Variants in RPS6KL1 observed in about 807,000 individuals in gnomAD.
The protein encoded by RPS6KL1 is ribosomal protein S6 kinase-like 1.
Under a neutral mutation model 57.0 loss-of-function variants are expected in RPS6KL1, and 41 were observed. The ratio of observed to expected loss-of-function variants is 0.72; its 90% CI spans 0.56 to 0.93. The LOEUF (loss-of-function observed/expected upper bound fraction) is 0.93, where lower values mean the gene tolerates loss of function less well. Among genes scored for constraint, RPS6KL1 ranks in the 40% least tolerant of loss-of-function variants. The probability of loss-of-function intolerance (pLI) is 0.00; values close to 1 mark genes in which losing one functional copy is unlikely to be tolerated. For synonymous variants in RPS6KL1, 287 were observed against 309.7 expected (o/e 0.93, Z 0.77); for missense variants, 697 against 727.7 (o/e 0.96, Z 0.49).
chr14:74,911,051 T>C (rs1885865512), intron 7 of RPS6KL1, 197 bp downstream of exon 7: 2 of 508,924 alleles, frequency 3.9e-6, no homozygotes, highest in South Asian at 2.0e-5. Context: ...TTTGTATTTT[T>C]AGTAGAGACA....
chr14:74,910,168 C>A lies in RPS6KL1; in HGVS notation c.665-20G>T, dbSNP rs146765702. ...TGCCTCCTGGGCCATGCAGAGGGAGCGGTGAGCGTGGGGACAGGGAGAAAA... is the reference window on the plus strand; with the variant it reads ...TGCCTCCTGGGCCATGCAGAGGGAGAGGTGAGCGTGGGGACAGGGAGAAAA... On this transcript the variant is annotated intron_variant, in intron 7 of 11. Coordinates refer to ENST00000557413, the MANE Select transcript of RPS6KL1 (RefSeq NM_031464.5). The A allele has an allele frequency of 1.3e-6, 2 of 1,499,578 alleles. No homozygotes were observed. The highest frequency in any genetic ancestry group is 4.4e-5 in the Admixed American group (2 of 45,644). 92.9% of individuals were successfully genotyped at this position (1,499,578 alleles called of 1,614,324 possible). A position where few individuals can be genotyped will look rare whatever the true frequency, so the allele number is the denominator to read the frequency against.
chr14:74,909,233 A>G (rs1220831152), intron 8 of RPS6KL1, 43 bp from the exon 9 acceptor site: 1 of 1,571,308 alleles, frequency 6.4e-7, no homozygotes, highest in Non-Finnish European at 8.8e-7. Flanking sequence ...GATTGAGGAC[A>G]GCTGATACAG....
chr14:74,909,693 C>G lies in RPS6KL1; in HGVS notation c.1120G>C (p.Gly374Arg), dbSNP rs756024731. 6.2e-7 allele frequency: 1 copy of G among 1,609,056 alleles called. No individual in the cohort carries two copies. Among genetic ancestry groups the G allele is most frequent in the African/African-American group, 1.3e-5 (1 of 74,928 alleles). The change falls in exon 8 of 12, where the codon GGC becomes CGC. Residue 374 changes from glycine (G) to arginine (R), a missense_variant. Gly to Arg is a moderately radical substitution (Grantham distance 125, BLOSUM62 -2). Coordinates refer to ENST00000557413, the MANE Select transcript of RPS6KL1 (RefSeq NM_031464.5). ...DQSCLSADGA[G>R]RGCGRATWSV... ...CAGGTGGCCCTGCCACAGCCCCGGC[C>G]GGCCCCATCTGCTGACAGGCAGCTC...
chr14:74,906,426 G>A lies in RPS6KL1; in HGVS notation c.*588C>T. The A allele has an allele frequency of 2.7e-6, 1 of 372,478 alleles. No individual in the cohort carries two copies. The highest frequency in any genetic ancestry group is 7.5e-5 in the East Asian group (1 of 13,420). The allele number at this position is 372,478 out of a possible 1,614,324, so 23.1% of individuals were successfully genotyped here. ...ATCGGGGGTGGGGGGGTGGGGGTGG[G>A]GGTCATCCTGTCCCCTACCTCATCC... On this transcript the variant is annotated 3_prime_UTR_variant, in exon 12 of 12. Coordinates refer to ENST00000557413, the MANE Select transcript of RPS6KL1 (RefSeq NM_031464.5).
intron 5 of RPS6KL1, among the ~76,000 whole-genome samples, chr14:74,913,149 A>G (rs1299199784): frequency 3.3e-5 from 5 of 152,210 alleles, no homozygotes; most frequent in Admixed American, 6.5e-5. Context: ...AGGGTAGGGG[A>G]AGGGGCACTG....
intron 9 of RPS6KL1, 69 bp downstream of exon 9, chr14:74,909,032 A>G: frequency 6.3e-7 from 1 of 1,586,264 alleles, no homozygotes. Context: ...TGTCATTCTC[A>G]GACTCTGGGC....
At position 74,921,238 on chromosome 14, in the gene RPS6KL1, T is replaced by TTGCCC; in HGVS notation, c.265+38_265+39insGGGCA. 6.9e-5 allele frequency: 58 copies of TTGCCC among 840,138 alleles called. 1 individual carries two copies. Among genetic ancestry groups the TTGCCC allele is most frequent in the Non-Finnish European group, 9.4e-5 (46 of 489,702 alleles). The allele number at this position is 840,138 out of a possible 1,614,324, so 52.0% of individuals were successfully genotyped here. Reference sequence around the variant, plus strand: ...ACAGGAAGAGCCCTGCACTGGCCCTTCCCCACCCACCCCAGCCCTGCCCAG... The same window carrying TTGCCC: ...ACAGGAAGAGCCCTGCACTGGCCCTTTGCCCCCCCACCCACCCCAGCCCTGCCCAG... On this transcript the variant is annotated intron_variant, in intron 3 of 11. Coordinates refer to ENST00000557413, the MANE Select transcript of RPS6KL1 (RefSeq NM_031464.5).
intron 5 of RPS6KL1, among the ~76,000 whole-genome samples, chr14:74,916,870 A>G (rs1886936131): frequency 6.6e-6 from 1 of 152,030 alleles, no homozygotes; most frequent in Non-Finnish European, 1.5e-5. Flanking sequence ...TATAACTTCA[A>G]CTCGCTGTTT....
At chr14:74,916,699 T>C (rs929748508) in intron 5 of RPS6KL1, among the ~76,000 whole-genome samples, 11 of 150,832 alleles carry the variant, frequency 7.3e-5, no homozygotes, top group Admixed American at 6.6e-4. Flanking sequence ...AAAAAAATGG[T>C]TGGGCTTGGC....
intron 6 of RPS6KL1, 166 bp downstream of exon 6, chr14:74,911,628 T>C (rs759057): frequency 0.98 from 685,013 of 702,466 alleles, 334,078 homozygotes; most frequent in East Asian, 0.99. Flanking sequence ...TGTGTGTGTG[T>C]GCATGCATGT....
rs374044741 is a variant in RPS6KL1, at chr14:74,911,745, A to T, written c.531+49T>A. 4.0e-6 allele frequency: 6 copies of T among 1,507,674 alleles called. No individual in the cohort carries two copies. In the African/African-American group the frequency reaches 8.3e-5, roughly 21 times the overall value. 93.4% of individuals were successfully genotyped at this position (1,507,674 alleles called of 1,614,324 possible). On this transcript the variant is annotated intron_variant, in intron 6 of 11. Coordinates refer to ENST00000557413, the MANE Select transcript of RPS6KL1 (RefSeq NM_031464.5). ...TGGGTAGGAGTTTCCAAGAGCCCTG[A>T]GAAAGATCCAAGGGGAATGCAGAGT...
chr14:74,921,694 G>A, intron 2 of RPS6KL1, 133 bp from the exon 3 acceptor site: 1 of 1,442,258 alleles, frequency 6.9e-7, no homozygotes, highest in African/African-American at 1.4e-5. Context: ...GCTAAAGTGG[G>A]TAAGGTCTTT....
intron 10 of RPS6KL1, 103 bp from the exon 11 acceptor site, chr14:74,907,633 GGAT>G (rs1292747889): frequency 9.4e-7 from 1 of 1,066,094 alleles, no homozygotes; most frequent in Admixed American, 2.5e-5. Flanking sequence ...CCCATGAGGA[GGAT>G]GACAATAATG....
intron 4 of RPS6KL1, 149 bp downstream of exon 4, chr14:74,919,696 C>T (rs1470083104): frequency 1.6e-5 from 13 of 801,622 alleles, no homozygotes; most frequent in African/African-American, 6.9e-5. Context: ...GAAGATGGGC[C>T]GCCCTGGCAC....
chr14:74,918,403 G>A (rs1053304251), intron 5 of RPS6KL1, 110 bp downstream of exon 5: 2 of 752,318 alleles, frequency 2.7e-6, no homozygotes, highest in Admixed American at 5.6e-5. Context: ...CTGGAGGAGT[G>A]GGGGCCACTG....
At chr14:74,910,705 G>C (rs1311489021) in intron 7 of RPS6KL1, 4 of 158,742 alleles carry the variant, frequency 2.5e-5, no homozygotes, top group Admixed American at 2.3e-4. Context: ...GGAGACAGCT[G>C]TGATTCTCAC....
chr14:74,906,647 A>G lies in RPS6KL1; in HGVS notation c.*367T>C. 1.9e-6 allele frequency: 1 copy of G among 533,828 alleles called. No homozygotes were observed. Among genetic ancestry groups the G allele is most frequent in the Non-Finnish European group, 3.8e-6 (1 of 262,774 alleles). The allele number at this position is 533,828 out of a possible 1,614,324, so 33.1% of individuals were successfully genotyped here. On this transcript the variant is annotated 3_prime_UTR_variant, in exon 12 of 12. Transcript: ENST00000557413. ...CTGAGTGGGGCACAACATGGCAGTGAGTGAGTCACAGAACCTCACAGTAGG... is the reference window on the plus strand; with the variant it reads ...CTGAGTGGGGCACAACATGGCAGTGGGTGAGTCACAGAACCTCACAGTAGG...
Position 74,921,698 on chromosome 14 carries a change from G to C in RPS6KL1, c.-20-137C>G, listed in dbSNP as rs114662938. ...AAGGGGTCAGAGCTAAAGTGGGTAA[G>C]GTCTTTTCATGGATCCAGGTCCTTC... On this transcript the variant is annotated intron_variant, in intron 2 of 11. Coordinates refer to ENST00000557413, the MANE Select transcript of RPS6KL1 (RefSeq NM_031464.5). 1.4e-3 allele frequency: 2,004 copies of C among 1,440,650 alleles called. 31 individuals are homozygous for C. In the African/African-American group the frequency reaches 0.026, roughly 19 times the overall value. The allele number at this position is 1,440,650 out of a possible 1,614,324, so 89.2% of individuals were successfully genotyped here.
chr14:74,909,269 A>T, intron 8 of RPS6KL1, 79 bp from the exon 9 acceptor site: 1 of 1,387,836 alleles, frequency 7.2e-7, no homozygotes, highest in Non-Finnish European at 1.0e-6. Context: ...GGCTTCCCCC[A>T]ACAGTCATGC....
Sources: allele counts gnomAD v4.1 joint callset (sites outside exome capture counted in the v4.1 genomes callset), GRCh38; gene constraint gnomAD v4.1.1; transcripts MANE v1.5; gene names NCBI Gene and HGNC (gene_info 2026-07-23, HGNC 2026-07-21).